Variants in HIKESHI observed in about 807,000 individuals in gnomAD.
HIKESHI encodes heat shock protein nuclear import factor hikeshi.
Under a neutral mutation model 25.7 loss-of-function variants are expected in HIKESHI, and 13 were observed. The ratio of observed to expected loss-of-function variants is 0.51; its 90% confidence interval spans 0.33 to 0.80. HIKESHI has a LOEUF of 0.80. HIKESHI is among the 30% of genes least tolerant of loss of function. HIKESHI has a pLI of 0.02. For missense variants in HIKESHI, 174 were observed against 229.5 expected (o/e 0.76, Z 1.56); for synonymous variants, 76 against 78.7 (o/e 0.97, Z 0.18).
chr11:86,317,860 GA>G (rs1415718021), intron 2 of HIKESHI, among the ~76,000 whole-genome samples: 2 of 151,916 alleles, frequency 1.3e-5, no homozygotes, highest in Admixed American at 1.3e-4. Context: ...AAAATGTGAA[GA>G]ACAATAACTA....
chr11:86,311,572 T>C (rs555827991), intron 2 of HIKESHI, among the ~76,000 whole-genome samples: 192 of 152,364 alleles, frequency 1.3e-3, no homozygotes, highest in African/African-American at 4.2e-3. Context: ...AGTTCTGCTC[T>C]GATCTTAGCT....
chr11:86,305,095 G>T (rs1946588121), intron 1 of HIKESHI, among the ~76,000 whole-genome samples: 1 of 152,208 alleles, frequency 6.6e-6, no homozygotes. Flanking sequence ...GACATCCTGG[G>T]TTCAAGTGAT....
intron 2 of HIKESHI, among the ~76,000 whole-genome samples, chr11:86,317,119 A>G (rs760674766): frequency 2.2e-4 from 33 of 152,086 alleles, no homozygotes; most frequent in Admixed American, 1.3e-4. Flanking sequence ...TAACACAAGG[A>G]ACCAAAAGAA....
At chr11:86,342,357 C>G (rs894021540) in intron 3 of HIKESHI, among the ~76,000 whole-genome samples, 2 of 152,024 alleles carry the variant, frequency 1.3e-5, no homozygotes, top group Non-Finnish European at 2.9e-5. Context: ...CTTTTACATA[C>G]AGATATACTA....
At chr11:86,316,340 C>A (rs562394645) in intron 2 of HIKESHI, among the ~76,000 whole-genome samples, 2 of 151,120 alleles carry the variant, frequency 1.3e-5, no homozygotes, top group Non-Finnish European at 2.9e-5. Flanking sequence ...TGTAAAACCC[C>A]GTCTCCACTA....
intron 4 of HIKESHI, 130 bp downstream of exon 4, chr11:86,344,851 A>T: frequency 1.5e-6 from 1 of 682,466 alleles, no homozygotes; most frequent in Non-Finnish European, 2.6e-6. Flanking sequence ...GCATGCCATT[A>T]AAGTATGTAC....
At chr11:86,329,574 C>CTCTTT (rs1565736298) in intron 2 of HIKESHI, among the ~76,000 whole-genome samples, 1 of 143,872 alleles carries the variant, frequency 7.0e-6, no homozygotes. Flanking sequence ...CCTGTGATTT[C>CTCTTT]TTTTTTTTTT....
chr11:86,317,382 A>G (rs1220863294), intron 2 of HIKESHI, among the ~76,000 whole-genome samples: 1 of 152,170 alleles, frequency 6.6e-6, no homozygotes, highest in Non-Finnish European at 1.5e-5. Flanking sequence ...TAACATAAGT[A>G]TTCCAAAGAA....
chr11:86,307,502 A>T (rs1050168813), intron 2 of HIKESHI, among the ~76,000 whole-genome samples: 5 of 139,424 alleles, frequency 3.6e-5, no homozygotes, highest in African/African-American at 1.0e-4. Context: ...TGTAGTATAC[A>T]TTATATATCA....
intron 2 of HIKESHI, among the ~76,000 whole-genome samples, chr11:86,329,046 G>C (rs1408633193): frequency 6.6e-6 from 1 of 152,026 alleles, no homozygotes; most frequent in African/African-American, 2.4e-5. Context: ...AGTATTAAAT[G>C]TTTAGTTACT....
chr11:86,320,965 C>G (rs969071373), intron 2 of HIKESHI, among the ~76,000 whole-genome samples: 1 of 152,048 alleles, frequency 6.6e-6, no homozygotes, highest in Non-Finnish European at 1.5e-5. Context: ...GACAGAGTCT[C>G]ACACTGTTGC....
intron 3 of HIKESHI, among the ~76,000 whole-genome samples, chr11:86,340,929 C>T (rs1176976790): frequency 6.6e-6 from 1 of 152,218 alleles, no homozygotes; most frequent in African/African-American, 2.4e-5. Flanking sequence ...AGGCGTGAGC[C>T]ATCACGCCCA....
intron 2 of HIKESHI, among the ~76,000 whole-genome samples, chr11:86,336,283 G>A (rs1947557697): frequency 6.6e-6 from 1 of 152,206 alleles, no homozygotes; most frequent in Non-Finnish European, 1.5e-5. Flanking sequence ...ATATGGAAAG[G>A]CGGGAGGGCT....
chr11:86,303,872 T>G (rs1946556352), intron 1 of HIKESHI, among the ~76,000 whole-genome samples: 1 of 152,226 alleles, frequency 6.6e-6, no homozygotes, highest in Non-Finnish European at 1.5e-5. Flanking sequence ...TAGAGTGTGA[T>G]GATACAGATT....
intron 2 of HIKESHI, among the ~76,000 whole-genome samples, chr11:86,325,897 A>C (rs1366813367): frequency 4.0e-5 from 6 of 150,030 alleles, no homozygotes; most frequent in Non-Finnish European, 7.4e-5. Flanking sequence ...GCACATGCTT[A>C]GTAGATAAGG....
intron 2 of HIKESHI, among the ~76,000 whole-genome samples, chr11:86,308,300 T>A (rs866445261): frequency 0.012 from 284 of 24,132 alleles, 1 homozygote; most frequent in African/African-American, 0.02. Context: ...TTACATATAA[T>A]ATATATTATA....
intron 2 of HIKESHI, among the ~76,000 whole-genome samples, chr11:86,318,303 CAAAAAAA>C (rs71040230): frequency 2.8e-5 from 1 of 35,680 alleles, no homozygotes; most frequent in Admixed American, 4.1e-4. Context: ...GACTCCGTCT[CAAAAAAA>C]AAAAAAAAAA....
chr11:86,325,243 G>T (rs1481405819), intron 2 of HIKESHI, among the ~76,000 whole-genome samples: 3 of 152,132 alleles, frequency 2.0e-5, no homozygotes, highest in Non-Finnish European at 4.4e-5. Context: ...TGAATGATGT[G>T]ATGTGAACAG....
chr11:86,331,254 C>A (rs573237038), intron 2 of HIKESHI, among the ~76,000 whole-genome samples: 8 of 152,250 alleles, frequency 5.3e-5, no homozygotes, highest in Non-Finnish European at 1.0e-4. Context: ...CTTTGGGAGG[C>A]CGAGGCGGGC....
Sources: allele counts gnomAD v4.1 joint callset (sites outside exome capture counted in the v4.1 genomes callset), GRCh38; gene constraint gnomAD v4.1.1; transcripts MANE v1.5; gene names NCBI Gene and HGNC (gene_info 2026-07-23, HGNC 2026-07-21).